The following CIITA variants were observed in gnomAD, a reference collection of about 807,000 sequenced individuals.
CIITA encodes the protein class II major histocompatibility complex transactivator, also known as MHC class II transactivator.
CIITA carries 72 observed loss-of-function variants against 115.1 expected under a neutral mutation model. The ratio of observed to expected loss-of-function variants is 0.63; its 90% CI spans 0.52 to 0.76. CIITA has a LOEUF of 0.76. CIITA is among the 30% of genes least tolerant of loss of function. The probability of loss-of-function intolerance (pLI) is 0.00; values close to 1 mark genes in which losing one functional copy is unlikely to be tolerated. For synonymous variants in CIITA, 763 were observed against 635.6 expected (o/e 1.20, Z -3.02); for missense variants, 1,617 against 1,463.8 (o/e 1.10, Z -1.71).
rs760786324 is a variant in CIITA at position 10,895,308 on chromosome 16, T to A, written c.79T>A (p.Leu27Met). 6.2e-7 allele frequency: 1 copy of A among 1,613,904 alleles called. No individual in the cohort carries two copies. Among genetic ancestry groups the A allele is most frequent in the East Asian group, 2.2e-5 (1 of 44,870 alleles). Residue 27 changes from leucine to methionine, a missense_variant, in exon 2 of 20, where the codon TTG becomes ATG. Physicochemically the swap from Leu to Met is conservative, Grantham distance 15. Transcript: ENST00000324288. ...CAGCTCACAGTGTGCCACCATGGAGTTGGGGCCCCTAGAAGGTGGCTACCT... is the reference window on the plus strand; with the variant it reads ...CAGCTCACAGTGTGCCACCATGGAGATGGGGCCCCTAGAAGGTGGCTACCT... ...QGSSQCATMELGPLEGGYLEL... is the reference protein window; with the variant it reads ...QGSSQCATMEMGPLEGGYLEL...
chr16:10,908,172 G>T (rs1269447609), intron 11 of CIITA, 23 bp downstream of exon 11: 1 of 1,552,230 alleles, frequency 6.4e-7, no homozygotes, highest in East Asian at 2.4e-5. Context: ...GCTTGGGGAA[G>T]AGACATCCTT....
At chr16:10,877,736 C>T (rs559369462) in intron 1 of CIITA, among the ~76,000 whole-genome samples, 1 of 152,322 alleles carries the variant, frequency 6.6e-6, no homozygotes, top group East Asian at 1.9e-4. Context: ...GGTGCCTCTG[C>T]AGGACGGGAC....
At position 10,942,462 on chromosome 16, in the gene CIITA, G is replaced by A. The variant is rs537605356; in HGVS notation, n.1588G>A. 5 of 152,964 alleles carry A rather than the reference G, an allele frequency of 3.3e-5. No individual in the cohort carries two copies. Among genetic ancestry groups the A allele is most frequent in the South Asian group, 2.0e-4 (1 of 4,902 alleles). 9.5% of individuals were successfully genotyped at this position (152,964 alleles called of 1,614,324 possible). On this transcript the variant is annotated non_coding_transcript_exon_variant, in exon 2 of 2. Transcript: ENST00000573379. This position sits in a 1 kb window ranked among gnomAD's most constrained non-coding sequence, Gnocchi z 5.0. ...GCGGCCGCCGCGTAGCCCTCCCGGT[G>A]GCGCTCGGAGCTCCGCCTCCCGAGG...
At position 10,936,071 on chromosome 16, in the gene CIITA, GCCTTGAACTC is replaced by G. The variant is rs567327261; in HGVS notation, c.*12219_*12228del. 3.7e-4 allele frequency: 56 copies of G among 151,784 alleles called. No homozygotes were observed. The highest frequency in any genetic ancestry group is 1.2e-3 in the Admixed American group (18 of 15,208). 9.4% of individuals were successfully genotyped at this position (151,784 alleles called of 1,614,324 possible). ...AGTGGTGGAATAATAACTCACTGCA[GCCTTGAACTC>G]CCGGACTCAAGCAATCCTCCTGCCT... is the stretch of plus-strand genomic sequence containing the variant. On this transcript the variant is annotated 3_prime_UTR_variant, in exon 20 of 20. Transcript: ENST00000324288.
At chr16:10,917,713 C>T (rs1198408893) in intron 15 of CIITA, among the ~76,000 whole-genome samples, 1 of 152,164 alleles carries the variant, frequency 6.6e-6, no homozygotes, top group Admixed American at 6.5e-5. Context: ...CTCCTGACCT[C>T]AAGTGATCCG....
intron 1 of CIITA, among the ~76,000 whole-genome samples, chr16:10,868,185 C>T (rs903470109): frequency 5.9e-5 from 9 of 152,162 alleles, no homozygotes; most frequent in Non-Finnish European, 1.3e-4. Flanking sequence ...CAATCTAGAA[C>T]CCTCTTACTT....
intron 1 of CIITA, among the ~76,000 whole-genome samples, chr16:10,891,873 G>A (rs373300732): frequency 7.9e-5 from 12 of 152,178 alleles, no homozygotes; most frequent in Admixed American, 5.2e-4. Context: ...GCTGCAAGCC[G>A]GTTATGTTTG....
chr16:10,880,156 C>T (rs1348356495), intron 1 of CIITA, among the ~76,000 whole-genome samples: 1 of 152,226 alleles, frequency 6.6e-6, no homozygotes, highest in Non-Finnish European at 1.5e-5. Flanking sequence ...ACCTGGTCTC[C>T]AACAATCTCA....
Position 10,935,703 on chromosome 16 carries a change from T to C in CIITA, c.*11848T>C, listed in dbSNP as rs1177179066. 6.6e-6 allele frequency: 1 copy of C among 152,238 alleles called. No homozygotes were observed. Among genetic ancestry groups the C allele is most frequent in the Non-Finnish European group, 1.5e-5 (1 of 68,042 alleles). The allele number at this position is 152,238 out of a possible 1,614,324, so 9.4% of individuals were successfully genotyped here. On this transcript the variant is annotated 3_prime_UTR_variant, in exon 20 of 20. Transcript: ENST00000324288. ...GGGACAGATGGCATGTGCCTCTCGA[T>C]AAGATGCACTGAAGACACACACTCA...
chr16:10,927,722 G>C lies in CIITA; in HGVS notation c.*3867G>C, dbSNP rs892696419. 1.3e-5 allele frequency: 2 copies of C among 152,210 alleles called. No homozygotes were observed. Among genetic ancestry groups the C allele is most frequent in the Non-Finnish European group, 2.9e-5 (2 of 68,038 alleles). 9.4% of individuals were successfully genotyped at this position (152,210 alleles called of 1,614,324 possible). A position where few individuals can be genotyped will look rare whatever the true frequency, so the allele number is the denominator to read the frequency against. ...GGCATCTTTTCGTAGTTAACGCACA[G>C]TCATCGTAAGATGTGGATAAATTAC... On this transcript the variant is annotated 3_prime_UTR_variant, in exon 20 of 20. Transcript: ENST00000324288.
At position 10,930,069 on chromosome 16, in the gene CIITA, T is replaced by G. The variant is rs545710018; in HGVS notation, c.*6214T>G. The G allele has an allele frequency of 6.6e-6, 1 of 152,350 alleles. No homozygotes were observed. Among genetic ancestry groups the G allele is most frequent in the Non-Finnish European group, 1.5e-5 (1 of 68,126 alleles). The allele number at this position is 152,350 out of a possible 1,614,324, so 9.4% of individuals were successfully genotyped here. ...TGGCTCTTTCTCCCAGGATGCAGCATCATCTCCATGGCCTGGCCCCCTGGC... is the reference window on the plus strand; with the variant it reads ...TGGCTCTTTCTCCCAGGATGCAGCAGCATCTCCATGGCCTGGCCCCCTGGC... On this transcript the variant is annotated 3_prime_UTR_variant, in exon 20 of 20. Coordinates refer to ENST00000324288, the MANE Select transcript of CIITA (RefSeq NM_000246.4).
In CIITA at chr16:10,909,171, C is replaced by A; in HGVS notation, c.2800C>A (p.Leu934Ile). Residue 934 changes from leucine to isoleucine, a missense_variant, in exon 12 of 20, where the codon CTT becomes ATT. By Grantham distance (5) the Leu-to-Ile change is conservative. Transcript: ENST00000324288. ...GAAGGATGTGGAAGACCTGGGAAAGCTTGTGCAGACTCAGAGGTGAGAGGA... is the reference window on the plus strand; with the variant it reads ...GAAGGATGTGGAAGACCTGGGAAAGATTGTGCAGACTCAGAGGTGAGAGGA... ...SLKDVEDLGK[L>I]VQTQRTRSSS... is the part of the protein sequence containing the mutation. The A allele has an allele frequency of 2.5e-6, 4 of 1,614,198 alleles. No individual in the cohort carries two copies. In the South Asian group the frequency reaches 3.3e-5, roughly 13 times the overall value.
In CIITA at chr16:10,901,786, A is replaced by G; in HGVS notation, c.481+228A>G. On this transcript the variant is annotated intron_variant, in intron 6 of 19. Transcript: ENST00000324288. This position sits in a 1 kb window ranked among gnomAD's most constrained non-coding sequence, Gnocchi z 6.8. The stretch of plus-strand genomic sequence containing the variant: ...AGCTAACAGATTGTTCATAGGTTCT[A>G]TTCTGCCCCAGCTCTCCGTGTGGAG... 1 of 668,062 alleles carries G rather than the reference A, an allele frequency of 1.5e-6. No homozygotes were observed. The highest frequency in any genetic ancestry group is 2.6e-6 in the Non-Finnish European group (1 of 389,178). The allele number at this position is 668,062 out of a possible 1,614,324, so 41.4% of individuals were successfully genotyped here.
In CIITA at chr16:10,926,837, G is replaced by A. The variant is rs751210431; in HGVS notation, c.*2982G>A. 6.6e-6 allele frequency: 1 copy of A among 152,238 alleles called. No individual in the cohort carries two copies. Among genetic ancestry groups the A allele is most frequent in the South Asian group, 2.1e-4 (1 of 4,832 alleles). 9.4% of individuals were successfully genotyped at this position (152,238 alleles called of 1,614,324 possible). On this transcript the variant is annotated 3_prime_UTR_variant, in exon 20 of 20. Coordinates refer to ENST00000324288, the MANE Select transcript of CIITA (RefSeq NM_000246.4). ...ACCCGGCCACTACTGTTTATTTAAT[G>A]AGCAGATACATGCAAAGCCCTTATC...
Position 10,941,607 on chromosome 16 carries a change from C to T in CIITA, n.733C>T, listed in dbSNP as rs1567470498. 1.3e-6 allele frequency: 2 copies of T among 1,493,876 alleles called. No homozygotes were observed. The highest frequency in any genetic ancestry group is 4.7e-5 in the East Asian group (2 of 42,612). 92.5% of individuals were successfully genotyped at this position (1,493,876 alleles called of 1,614,324 possible). ...AGGGGAGGGTCTCCTCCTGGGGAACCATCCCCGTCCAGATGGTGCCCCCAA... is the reference window on the plus strand; with the variant it reads ...AGGGGAGGGTCTCCTCCTGGGGAACTATCCCCGTCCAGATGGTGCCCCCAA... On this transcript the variant is annotated non_coding_transcript_exon_variant, in exon 2 of 2. Transcript: ENST00000573379. The surrounding 1 kb of genome is among the most constrained non-coding windows in gnomAD (Gnocchi z 6.4).
At chr16:10,902,630 C>T in intron 7 of CIITA, 28 bp from the exon 8 acceptor site, 1 of 1,613,894 alleles carries the variant, frequency 6.2e-7, no homozygotes, top group African/African-American at 1.3e-5. Context: ...TATGCAAGAT[C>T]CCACCTCACT....
downstream of CIITA, chr16:10,940,392 T>C (rs1031773049): frequency 6.6e-6 from 1 of 152,284 alleles, no homozygotes; most frequent in African/African-American, 2.4e-5. This position sits in a 1 kb window ranked among gnomAD's most constrained non-coding sequence, Gnocchi z 4.2. Context: ...CTGCCTGTGG[T>C]TGTCTTGGCA....
chr16:10,923,397 A>C lies in CIITA; in HGVS notation c.*22+72A>C. On this transcript the variant is annotated intron_variant, in intron 19 of 19. Coordinates refer to ENST00000324288, the MANE Select transcript of CIITA (RefSeq NM_000246.4). This position sits in a 1 kb window ranked among gnomAD's most constrained non-coding sequence, Gnocchi z 5.2. ...CAGTGTCCTTGTGAAGGTGGCATTC[A>C]AAAAATGTGGGCGGGACACAGGTGG... 8.0e-7 allele frequency: 1 copy of C among 1,244,064 alleles called. No individual in the cohort carries two copies. The highest frequency in any genetic ancestry group is 1.2e-6 in the Non-Finnish European group (1 of 849,982). 77.1% of individuals were successfully genotyped at this position (1,244,064 alleles called of 1,614,324 possible).
intron 13 of CIITA, 105 bp from the exon 14 acceptor site, chr16:10,915,465 C>T: frequency 1.1e-6 from 1 of 880,260 alleles, no homozygotes; most frequent in Non-Finnish European, 1.9e-6. Context: ...GAGGAGGGGC[C>T]TCAGACAGGA....
Sources: gnomAD v4.1 joint callset for allele counts (sites outside exome capture counted in the v4.1 genomes callset) on GRCh38, gnomAD v4.1.1 for gene constraint, Gnocchi (gnomAD v3.1) non-coding constraint, MANE v1.5 for transcripts, NCBI Gene and HGNC (gene_info 2026-07-23, HGNC 2026-07-21) for gene names.